ASIC2: variants seen among roughly 807,000 people sequenced by gnomAD.
ASIC2 encodes acid sensing ion channel subunit 2.
In ASIC2, 25 loss-of-function variants were observed where a neutral mutation model predicts 57.3. The ratio of observed to expected loss-of-function variants is 0.44; its 90% CI spans 0.32 to 0.61. The LOEUF is 0.61. ASIC2 is among the 20% of genes least tolerant of loss of function. The pLI is 0.06. For missense variants in ASIC2, 641 were observed against 738.1 expected (o/e 0.87, Z 1.52); for synonymous variants, 319 against 307.5 (o/e 1.04, Z -0.39).
At chr17:34,042,258 C>A (rs956103476) in intron 1 of ASIC2, among the ~76,000 whole-genome samples, 1 of 152,052 alleles carries the variant, frequency 6.6e-6, no homozygotes, top group Non-Finnish European at 1.5e-5. Context: ...TATGTCCCCC[C>A]AAAACTTATA....
chr17:33,610,301 G>C (rs957800823), intron 1 of ASIC2, among the ~76,000 whole-genome samples: 1 of 152,072 alleles, frequency 6.6e-6, no homozygotes, highest in South Asian at 2.1e-4. Flanking sequence ...GGGATTACAG[G>C]TGCATGCCAC....
At chr17:34,052,412 C>A (rs2142054506) in intron 1 of ASIC2, among the ~76,000 whole-genome samples, 1 of 152,320 alleles carries the variant, frequency 6.6e-6, no homozygotes, top group Admixed American at 6.5e-5. Context: ...CCAAAAATCC[C>A]ATCTCCGAAA....
chr17:33,331,337 C>T (rs1907304578), intron 1 of ASIC2, among the ~76,000 whole-genome samples: 2 of 152,142 alleles, frequency 1.3e-5, no homozygotes, highest in South Asian at 4.2e-4. Context: ...CTAACATTGT[C>T]CACATAAAGA....
At chr17:33,146,103 C>T (rs1904551709) in intron 1 of ASIC2, among the ~76,000 whole-genome samples, 1 of 152,206 alleles carries the variant, frequency 6.6e-6, no homozygotes, top group Non-Finnish European at 1.5e-5. Flanking sequence ...TGGCCCCAGG[C>T]AGGTGCTATA....
chr17:34,090,088 T>C (rs1426472279), intron 1 of ASIC2, among the ~76,000 whole-genome samples: 1 of 152,158 alleles, frequency 6.6e-6, no homozygotes, highest in Non-Finnish European at 1.5e-5. Context: ...GAGTCACAGC[T>C]GGAAGGGTCT....
intron 1 of ASIC2, among the ~76,000 whole-genome samples, chr17:33,144,935 A>G (rs531023580): frequency 6.6e-6 from 1 of 152,214 alleles, no homozygotes; most frequent in Non-Finnish European, 1.5e-5. Flanking sequence ...AAGCTCCATG[A>G]CAATCAAGGT....
chr17:33,575,194 G>A (rs902943604), intron 1 of ASIC2, among the ~76,000 whole-genome samples: 11 of 152,332 alleles, frequency 7.2e-5, no homozygotes, highest in South Asian at 2.1e-4. Context: ...ACTACCTCAT[G>A]AGTGATTCAT....
intron 1 of ASIC2, among the ~76,000 whole-genome samples, chr17:33,685,865 T>C (rs2142060617): frequency 6.6e-6 from 1 of 152,262 alleles, no homozygotes; most frequent in Non-Finnish European, 1.5e-5. Flanking sequence ...TCTGCTTAGC[T>C]ATGTCAAAAA....
chr17:33,729,944 T>C lies in ASIC2; in HGVS notation c.555+426034A>G, dbSNP rs1428022482. 3.9e-5 allele frequency among the ~76,000 whole-genome samples: 6 copies of C among 152,224 alleles called. No individual in the cohort carries two copies. The East Asian group carries it at 1.2e-3, about 29-fold the overall frequency. ...TATACTTGCTAGAAAAAAGCAAAGC[T>C]GGCATTTAAACGGAGAGTCCATGAT... On this transcript the variant is annotated intron_variant, in intron 1 of 9. Coordinates refer to the ASIC2 transcript ENST00000359872.
intron 1 of ASIC2, among the ~76,000 whole-genome samples, chr17:33,145,020 C>G (rs960902790): frequency 3.9e-5 from 6 of 152,224 alleles, no homozygotes; most frequent in Non-Finnish European, 8.8e-5. Context: ...TGAGTGCTTA[C>G]TCTCCTCCAG....
chr17:34,145,640 A>G (rs1329394782), intron 1 of ASIC2, among the ~76,000 whole-genome samples: 1 of 152,206 alleles, frequency 6.6e-6, no homozygotes, highest in Non-Finnish European at 1.5e-5. Flanking sequence ...CTTCACACAG[A>G]GAAAGTCACA....
chr17:33,057,085 T>C (rs2092001091), intron 3 of ASIC2, among the ~76,000 whole-genome samples: 2 of 152,168 alleles, frequency 1.3e-5, no homozygotes, highest in Admixed American at 1.3e-4. Context: ...AAATTAGGGC[T>C]GTCTGCTGTA....
At chr17:33,626,591 T>C (rs553792813) in intron 1 of ASIC2, among the ~76,000 whole-genome samples, 6 of 152,286 alleles carry the variant, frequency 3.9e-5, no homozygotes, top group African/African-American at 1.2e-4. Flanking sequence ...GGAAACACCA[T>C]TGATAACGGT....
rs551730414 is a variant in ASIC2, at chr17:33,920,282, A to G, written c.555+235696T>C. Among the ~76,000 whole-genome samples the G allele has an allele frequency of 2.0e-5, 3 of 152,350 alleles. No individual in the cohort carries two copies. The East Asian group carries it at 5.8e-4, about 29-fold the overall frequency. On this transcript the variant is annotated intron_variant, in intron 1 of 9. Transcript: ENST00000359872. ...GTATGTTCACTGCAGCACTATTCAT[A>G]ATAGCAAAGTCATGGAATCAACCTA...
chr17:33,251,312 G>A (rs1458019116), intron 1 of ASIC2, among the ~76,000 whole-genome samples: 4 of 152,078 alleles, frequency 2.6e-5, no homozygotes, highest in African/African-American at 4.8e-5. Context: ...CACCTATTAC[G>A]GATCAGCTAC....
intron 1 of ASIC2, chr17:33,541,464 G>C (rs1275056590): frequency 6.6e-6 from 1 of 152,162 alleles, no homozygotes; most frequent in Non-Finnish European, 1.5e-5. Flanking sequence ...AACTGCAGGG[G>C]AGCCAACAAA....
chr17:33,201,933 G>C (rs1279681531), intron 1 of ASIC2, among the ~76,000 whole-genome samples: 1 of 149,080 alleles, frequency 6.7e-6, no homozygotes, highest in Non-Finnish European at 1.5e-5. Flanking sequence ...TCAGGAGTCT[G>C]AGCTGGGAGG....
chr17:33,404,953 G>A (rs1910415395), intron 1 of ASIC2, among the ~76,000 whole-genome samples: 1 of 151,582 alleles, frequency 6.6e-6, no homozygotes, highest in Non-Finnish European at 1.5e-5. Flanking sequence ...AAACTTGAAT[G>A]ACTTATTTGA....
chr17:33,489,441 T>G (rs1472655078), intron 1 of ASIC2, among the ~76,000 whole-genome samples: 1 of 152,202 alleles, frequency 6.6e-6, no homozygotes, highest in African/African-American at 2.4e-5. Flanking sequence ...GCAGCCAGAA[T>G]GGAACTGGCT....
Sources: gnomAD v4.1 joint callset for allele counts (sites outside exome capture counted in the v4.1 genomes callset) on GRCh38, gnomAD v4.1.1 for gene constraint, MANE v1.5 for transcripts, NCBI Gene and HGNC (gene_info 2026-07-23, HGNC 2026-07-21) for gene names.